Variants in SHROOM3 observed in about 807,000 individuals in gnomAD.
SHROOM3 encodes the protein protein Shroom3.
SHROOM3 carries 47 observed loss-of-function variants against 138.6 expected under a neutral mutation model. The ratio of observed to expected loss-of-function variants is 0.34; its 90% CI spans 0.27 to 0.43. SHROOM3 has a LOEUF of 0.43. SHROOM3 is among the 20% of genes least tolerant of loss of function. The probability of loss-of-function intolerance (pLI) is 1.00; values close to 1 mark genes in which losing one functional copy is unlikely to be tolerated. For missense variants in SHROOM3, 2,491 were observed against 2,596.5 expected (o/e 0.96, Z 0.88); for synonymous variants, 1,062 against 1,063.3 (o/e 1.00, Z 0.02).
At chr4:76,476,427 A>G (rs1731487015) in intron 1 of SHROOM3, among the ~76,000 whole-genome samples, 1 of 152,210 alleles carries the variant, frequency 6.6e-6, no homozygotes, top group African/African-American at 2.4e-5. Flanking sequence ...CATTATTAAG[A>G]AACTTGGCTT....
chr4:76,545,716 T>A (rs1352349610), intron 1 of SHROOM3, among the ~76,000 whole-genome samples: 3 of 152,244 alleles, frequency 2.0e-5, no homozygotes. Context: ...GTCTTTGCTC[T>A]TTGTAAGGGA....
intron 2 of SHROOM3, among the ~76,000 whole-genome samples, chr4:76,598,283 C>T (rs1734432719): frequency 6.6e-6 from 1 of 151,990 alleles, no homozygotes; most frequent in Non-Finnish European, 1.5e-5. Context: ...ACCTCGGCCT[C>T]CGAAAGTCCT....
intron 2 of SHROOM3, among the ~76,000 whole-genome samples, chr4:76,575,801 GAA>G (rs1733925016): frequency 6.6e-6 from 1 of 152,074 alleles, no homozygotes; most frequent in Non-Finnish European, 1.5e-5. Context: ...ACAAAAAATG[GAA>G]AGATATTCCA....
At chr4:76,561,500 T>C (rs2110032802) in intron 2 of SHROOM3, among the ~76,000 whole-genome samples, 1 of 151,532 alleles carries the variant, frequency 6.6e-6, no homozygotes, top group East Asian at 1.9e-4. Flanking sequence ...TGCCTGGAGG[T>C]AGAAATGAGG....
rs1345573261 is a variant in SHROOM3, at chr4:76,435,985, T to C, written c.-68T>C. 10 of 1,567,430 alleles carry C rather than the reference T, an allele frequency of 6.4e-6. No homozygotes were observed. In the Admixed American group the frequency reaches 1.5e-4, roughly 24 times the overall value. On this transcript the variant is annotated 5_prime_UTR_variant, in exon 1 of 11. It removes the in-frame stop codon of an upstream open reading frame in the 5' UTR. Transcript: ENST00000296043. ...CTGAAGGATGGGACAACTTGTGCTG[T>C]AGAAGCACTGCTTGCCTGAGTTTGC...
rs368464377 is a variant in SHROOM3 at position 76,478,742 on chromosome 4, C to G, written c.168+42522C>G. Among the ~76,000 whole-genome samples, 16 of 152,314 alleles carry G rather than the reference C, an allele frequency of 1.1e-4. No homozygotes were observed. The South Asian group carries it at 3.1e-3, about 30-fold the overall frequency. The stretch of plus-strand genomic sequence containing the variant: ...CATATAGGAGAGCTCCGGCTGGCAT[C>G]TGACAGGTGCCCCTCTGGGATGAAG... On this transcript the variant is annotated intron_variant, in intron 1 of 10. Coordinates refer to ENST00000296043, the MANE Select transcript of SHROOM3 (RefSeq NM_020859.4).
At chr4:76,748,001 A>G (rs976034287) in intron 5 of SHROOM3, among the ~76,000 whole-genome samples, 3 of 152,208 alleles carry the variant, frequency 2.0e-5, no homozygotes, top group African/African-American at 7.2e-5. Flanking sequence ...TACAAAAAAA[A>G]AGTCAAGTGC....
chr4:76,619,576 G>A (rs1260790092), intron 2 of SHROOM3, among the ~76,000 whole-genome samples: 1 of 152,202 alleles, frequency 6.6e-6, no homozygotes, highest in Non-Finnish European at 1.5e-5. Context: ...TAAAAGAGCT[G>A]AGGGGTGTAT....
At chr4:76,753,741 C>G (rs754298963) in intron 6 of SHROOM3, among the ~76,000 whole-genome samples, 18 of 152,122 alleles carry the variant, frequency 1.2e-4, no homozygotes, top group Non-Finnish European at 2.4e-4. Context: ...CTTATTAGCT[C>G]CTTAGGTGAG....
intron 6 of SHROOM3, among the ~76,000 whole-genome samples, chr4:76,751,985 G>T (rs1721639565): frequency 6.6e-6 from 1 of 152,144 alleles, no homozygotes; most frequent in Admixed American, 6.5e-5. Context: ...TGAAAGCAGG[G>T]TCTCCAAGAC....
chr4:76,603,129 A>G (rs1485382255), intron 2 of SHROOM3, among the ~76,000 whole-genome samples: 6 of 152,158 alleles, frequency 3.9e-5, no homozygotes, highest in Non-Finnish European at 5.9e-5. Context: ...TTTTAAAAAC[A>G]CATACTTGGC....
chr4:76,553,277 A>G (rs1312787880), intron 1 of SHROOM3, among the ~76,000 whole-genome samples: 2 of 151,116 alleles, frequency 1.3e-5, no homozygotes, highest in South Asian at 2.1e-4. Flanking sequence ...TTTCTCTTTT[A>G]TTTATTTATT....
chr4:76,471,912 T>A (rs1393953939), intron 1 of SHROOM3, among the ~76,000 whole-genome samples: 2 of 152,072 alleles, frequency 1.3e-5, no homozygotes, highest in Non-Finnish European at 2.9e-5. Flanking sequence ...GTCTCTGGAG[T>A]CAGACTACCT....
intron 2 of SHROOM3, among the ~76,000 whole-genome samples, chr4:76,617,013 A>G (rs1734896865): frequency 1.3e-5 from 2 of 152,220 alleles, no homozygotes; most frequent in Admixed American, 6.5e-5. Flanking sequence ...TTAAAAATCA[A>G]CCTACTTTGC....
chr4:76,445,670 C>T (rs1730790626), intron 1 of SHROOM3, among the ~76,000 whole-genome samples: 1 of 152,124 alleles, frequency 6.6e-6, no homozygotes, highest in Non-Finnish European at 1.5e-5. Flanking sequence ...TAAGGCCTTG[C>T]AGGCTGTGGA....
chr4:76,622,013 T>A (rs1489274230), intron 2 of SHROOM3, among the ~76,000 whole-genome samples: 1 of 152,028 alleles, frequency 6.6e-6, no homozygotes, highest in Non-Finnish European at 1.5e-5. Context: ...ATATTTTTAG[T>A]AGAGTCGGGG....
At chr4:76,709,774 C>T in intron 2 of SHROOM3, 1 of 279,204 alleles carries the variant, frequency 3.6e-6, no homozygotes, top group South Asian at 3.6e-5. Flanking sequence ...TTCAAACCAC[C>T]TCGTTTGACA....
intron 2 of SHROOM3, among the ~76,000 whole-genome samples, chr4:76,651,575 G>T (rs755881750): frequency 5.9e-5 from 9 of 151,810 alleles, no homozygotes; most frequent in African/African-American, 9.7e-5. Context: ...TGGGTTTCCT[G>T]CCACACTTGG....
intron 1 of SHROOM3, among the ~76,000 whole-genome samples, chr4:76,520,913 C>T (rs1365632794): frequency 6.6e-6 from 1 of 152,192 alleles, no homozygotes; most frequent in Non-Finnish European, 1.5e-5. Context: ...AATATTTGGG[C>T]AGCTAAAGCT....
Sources: allele counts gnomAD v4.1 joint callset (sites outside exome capture counted in the v4.1 genomes callset), GRCh38; gene constraint gnomAD v4.1.1; transcripts MANE v1.5; gene names NCBI Gene and HGNC (gene_info 2026-07-23, HGNC 2026-07-21).